Variants in TMTC1 observed in about 807,000 individuals in gnomAD.
The protein encoded by TMTC1 is protein O-mannosyl-transferase TMTC1.
Under a neutral mutation model 104.8 loss-of-function variants are expected in TMTC1, and 73 were observed. The observed-to-expected ratio is 0.70, with a 90% confidence interval of 0.58 to 0.85. The LOEUF (loss-of-function observed/expected upper bound fraction) is 0.85. Ranked by LOEUF, TMTC1 falls within the 40% of genes least tolerant of loss-of-function variation. The probability of loss-of-function intolerance (pLI) is 0.00; values close to 1 mark genes in which losing one functional copy is unlikely to be tolerated. For synonymous variants in TMTC1, 434 were observed against 428.7 expected, an observed-to-expected ratio of 1.01 and a Z score of -0.15; for missense variants, 1,035 against 1,096.1, an observed-to-expected ratio of 0.94 and a Z score of 0.79.
chr12:29,565,409 G>GC (rs1317406785), intron 9 of TMTC1, among the ~76,000 whole-genome samples: 1 of 152,106 alleles, frequency 6.6e-6, no homozygotes, highest in Admixed American at 6.5e-5. Flanking sequence ...ATTATCCATC[G>GC]CAAGTCTACC....
intron 5 of TMTC1, among the ~76,000 whole-genome samples, chr12:29,710,075 T>A (rs1163009559): frequency 1.2e-5 from 1 of 80,648 alleles, no homozygotes; most frequent in Non-Finnish European, 3.7e-5. Context: ...TCACTGGTAA[T>A]GGGTCTCTAT....
intron 7 of TMTC1, among the ~76,000 whole-genome samples, chr12:29,591,901 T>G (rs910650593): frequency 1.8e-5 from 2 of 108,806 alleles, no homozygotes; most frequent in South Asian, 5.5e-4. Context: ...CCAAGAAGCT[T>G]TTAAGTGAAA....
chr12:29,662,134 G>A (rs1192816558), intron 5 of TMTC1, among the ~76,000 whole-genome samples: 2 of 152,048 alleles, frequency 1.3e-5, no homozygotes, highest in Non-Finnish European at 1.5e-5. Context: ...AGCATAAACC[G>A]CAAGCACTTC....
intron 5 of TMTC1, among the ~76,000 whole-genome samples, chr12:29,739,687 G>C (rs548031434): frequency 6.6e-6 from 1 of 152,046 alleles, no homozygotes; most frequent in Non-Finnish European, 1.5e-5. Context: ...TCCTGCACTC[G>C]TCAAATTTTA....
chr12:29,604,998 GA>G (rs1432884231), intron 6 of TMTC1, among the ~76,000 whole-genome samples: 2 of 151,804 alleles, frequency 1.3e-5, no homozygotes, highest in African/African-American at 4.8e-5. Flanking sequence ...ATAATTAACA[GA>G]AAAAAACTTC....
chr12:29,645,862 G>A (rs746365622), intron 5 of TMTC1, among the ~76,000 whole-genome samples: 8 of 152,088 alleles, frequency 5.3e-5, no homozygotes, highest in Non-Finnish European at 8.8e-5. Flanking sequence ...TAGAACATTC[G>A]CTAGTTTACA....
intron 5 of TMTC1, among the ~76,000 whole-genome samples, chr12:29,657,943 T>TA: frequency 6.6e-6 from 1 of 151,882 alleles, no homozygotes; most frequent in East Asian, 1.9e-4. Context: ...CCCTCTCTGC[T>TA]AAAAATAAAA....
intron 5 of TMTC1, among the ~76,000 whole-genome samples, chr12:29,712,382 C>A (rs1941954061): frequency 6.6e-6 from 1 of 152,138 alleles, no homozygotes; most frequent in South Asian, 2.1e-4. Flanking sequence ...TTTACCAATG[C>A]AGCAATTACC....
chr12:29,633,126 T>G (rs770344507), intron 6 of TMTC1, 21 bp downstream of exon 6: 20 of 1,597,290 alleles, frequency 1.3e-5, no homozygotes, highest in Non-Finnish European at 1.7e-5. Context: ...GCAGAGTTCA[T>G]TCTACTTTTG....
chr12:29,712,695 T>G (rs539138319), intron 5 of TMTC1, among the ~76,000 whole-genome samples: 108 of 152,352 alleles, frequency 7.1e-4, no homozygotes, highest in African/African-American at 2.5e-3. Context: ...TTATTCTAGT[T>G]GAAGTATATG....
intron 11 of TMTC1, among the ~76,000 whole-genome samples, chr12:29,525,947 T>C (rs1944331352): frequency 6.6e-6 from 1 of 152,244 alleles, no homozygotes; most frequent in Non-Finnish European, 1.5e-5. Context: ...CACTTTCTAA[T>C]AATGTTTTAG....
At chr12:29,648,851 A>G (rs1939390056) in intron 5 of TMTC1, among the ~76,000 whole-genome samples, 1 of 152,016 alleles carries the variant, frequency 6.6e-6, no homozygotes, top group Non-Finnish European at 1.5e-5. Flanking sequence ...TATGAATGGG[A>G]TTTTTTACAT....
chr12:29,530,818 A>G (rs1944482098), intron 11 of TMTC1, among the ~76,000 whole-genome samples: 1 of 152,198 alleles, frequency 6.6e-6, no homozygotes, highest in Admixed American at 6.5e-5. Context: ...AAGTAAGCTC[A>G]ATACATATTA....
chr12:29,632,418 C>T (rs1015244497), intron 6 of TMTC1, among the ~76,000 whole-genome samples: 1 of 152,108 alleles, frequency 6.6e-6, no homozygotes, highest in Admixed American at 6.6e-5. Flanking sequence ...GGGCAGTTTC[C>T]CCCATTCTGC....
At chr12:29,745,861 C>G (rs1942943200) in intron 5 of TMTC1, among the ~76,000 whole-genome samples, 1 of 152,122 alleles carries the variant, frequency 6.6e-6, no homozygotes, top group Non-Finnish European at 1.5e-5. Context: ...TATCATGCTC[C>G]TACCTCCTGG....
Position 29,536,317 on chromosome 12 carries a change from C to A in TMTC1, c.1677G>T (p.Lys559Asn), listed in dbSNP as rs1469834915. The change falls in exon 11 of 18, where the codon AAG becomes AAT. Residue 559 changes from lysine (K) to asparagine (N), a missense_variant and splice_region_variant. By Grantham distance (94) the Lys-to-Asn change is moderately conservative. Coordinates refer to ENST00000539277, the MANE Select transcript of TMTC1 (RefSeq NM_001193451.2). ...TAGCTTCTTCCTTTTTCTCCTGGGACCTATAGATAATAATGAAGGGGTGGG... is the reference window on the plus strand; with the variant it reads ...TAGCTTCTTCCTTTTTCTCCTGGGAACTATAGATAATAATGAAGGGGTGGG... ...RALFNLGNLL[K>N]SQEKKEEAIT... The A allele has an allele frequency of 6.3e-7, 1 of 1,590,364 alleles. No individual in the cohort carries two copies. Among genetic ancestry groups the A allele is most frequent in the Non-Finnish European group, 8.6e-7 (1 of 1,161,880 alleles).
In TMTC1 at chr12:29,583,479, A is replaced by G. The variant is rs766576689; in HGVS notation, c.1346T>C (p.Leu449Ser). Reference protein sequence around the residue: ...GATTLIVSTVLLLLLFSWKTV... With the variant: ...GATTLIVSTVSLLLLFSWKTV... ...TTTCCAAGAGAAAAGCAACAGCAGC[A>G]ACACAGTGGACACAATCAGGGTGGT... Residue 449 changes from leucine to serine, a missense_variant, in exon 8 of 18, where the codon TTG becomes TCG. Transcript: ENST00000539277. 6.8e-6 allele frequency: 11 copies of G among 1,613,996 alleles called. No homozygotes were observed. Among genetic ancestry groups the G allele is most frequent in the South Asian group, 1.1e-5 (1 of 91,090 alleles).
intron 8 of TMTC1, among the ~76,000 whole-genome samples, chr12:29,579,090 T>TA (rs1416417691): frequency 1.3e-5 from 2 of 152,166 alleles, no homozygotes; most frequent in African/African-American, 4.8e-5. Flanking sequence ...ACAGACCCAA[T>TA]AAATCGTTGA....
At chr12:29,702,775 T>C (rs1941633449) in intron 5 of TMTC1, among the ~76,000 whole-genome samples, 1 of 151,430 alleles carries the variant, frequency 6.6e-6, no homozygotes, top group Non-Finnish European at 1.5e-5. Context: ...GCTTAAAGAT[T>C]GGTTCATTGA....
Sources: gnomAD v4.1 joint callset for allele counts (sites outside exome capture counted in the v4.1 genomes callset) on GRCh38, gnomAD v4.1.1 for gene constraint, MANE v1.5 for transcripts, NCBI Gene and HGNC (gene_info 2026-07-23, HGNC 2026-07-21) for gene names.